Variants in TTC39C observed in about 807,000 individuals in gnomAD.
TTC39C encodes tetratricopeptide repeat protein 39C.
A neutral mutation model predicts 76.3 loss-of-function variants in TTC39C; 33 were observed. The observed-to-expected ratio is 0.43, with a 90% CI of 0.33 to 0.58. The LOEUF is 0.58. Among genes scored for constraint, TTC39C ranks in the 20% least tolerant of loss-of-function variants. TTC39C has a pLI of 0.04. For synonymous variants in TTC39C, 254 were observed against 260.6 expected (o/e 0.97, Z 0.24); for missense variants, 595 against 701.4 (o/e 0.85, Z 1.71).
At chr18:24,012,618 C>A (rs976433307), upstream of TTC39C, among the ~76,000 whole-genome samples, 1 of 152,144 alleles carries the variant, frequency 6.6e-6, no homozygotes, top group African/African-American at 2.4e-5. Context: ...TGCAGGCTAT[C>A]TCCTATGTCT....
chr18:24,028,663 T>C (rs1367713688), intron 1 of TTC39C, among the ~76,000 whole-genome samples: 1 of 152,190 alleles, frequency 6.6e-6, no homozygotes, highest in African/African-American at 2.4e-5. Context: ...GTTTCTAGCT[T>C]CCCTTTGAAA....
In TTC39C at chr18:24,131,927, A is replaced by G. The variant is rs2145834723; in HGVS notation, c.1662+7A>G. The G allele has an allele frequency of 6.2e-7, 1 of 1,612,598 alleles. No homozygotes were observed. Among genetic ancestry groups the G allele is most frequent in the East Asian group, 2.2e-5 (1 of 44,808 alleles). Reference sequence around the variant, plus strand: ...TCTACTTCTTCAAGCAAAGGTAAATATCCTGAATCTACCTTTCTCCAGTGG... The same window carrying G: ...TCTACTTCTTCAAGCAAAGGTAAATGTCCTGAATCTACCTTTCTCCAGTGG... On this transcript the variant is annotated splice_region_variant and intron_variant, in intron 13 of 13. Transcript: ENST00000317571.
chr18:24,132,557 G>A lies in TTC39C; in HGVS notation c.1735G>A (p.Glu579Lys). The A allele has an allele frequency of 6.2e-7, 1 of 1,613,728 alleles. No individual in the cohort carries two copies. The highest frequency in any genetic ancestry group is 1.1e-5 in the South Asian group (1 of 90,992). ...CCATGCTGCTCTGGCCTCTCTGAGG[G>A]AATTGGTTCCTCAGTGACAGACCCG... ...RIHAALASLR[E>K]LVPQ The change falls in exon 14 of 14, where the codon GAA becomes AAA. Residue 579 changes from glutamate (E) to lysine (K), a missense_variant. Coordinates refer to ENST00000317571, the MANE Select transcript of TTC39C (RefSeq NM_001135993.2).
chr18:24,127,114 AAGAC>A (rs2085060866), intron 10 of TTC39C, among the ~76,000 whole-genome samples: 1 of 152,224 alleles, frequency 6.6e-6, no homozygotes, highest in African/African-American at 2.4e-5. Context: ...CCTGGAAGGG[AAGAC>A]AGACAGTATC....
chr18:24,028,843 C>T (rs2083629658), intron 1 of TTC39C, among the ~76,000 whole-genome samples: 2 of 151,564 alleles, frequency 1.3e-5, no homozygotes, highest in Admixed American at 1.3e-4. Context: ...CTGTTTCAGC[C>T]TCCTGAGTAG....
At chr18:24,041,894 G>A (rs1243762039) in intron 1 of TTC39C, among the ~76,000 whole-genome samples, 1 of 152,052 alleles carries the variant, frequency 6.6e-6, no homozygotes, top group East Asian at 1.9e-4. Flanking sequence ...CTTTCAGCCC[G>A]GCGTGATTAC....
At chr18:24,019,090 T>C (rs116378017) in intron 1 of TTC39C, among the ~76,000 whole-genome samples, 94 of 152,316 alleles carry the variant, frequency 6.2e-4, no homozygotes, top group African/African-American at 2.2e-3. Flanking sequence ...GACATATTAC[T>C]TTTTAACAGA....
At chr18:24,021,539 CTTTTT>C (rs60505555) in intron 1 of TTC39C, among the ~76,000 whole-genome samples, 6 of 118,868 alleles carry the variant, frequency 5.0e-5, no homozygotes, top group East Asian at 4.7e-4. Context: ...TTCTTTCCTT[CTTTTT>C]TTTTTTTTTT....
chr18:24,042,844 G>A (rs2145693573), intron 1 of TTC39C, among the ~76,000 whole-genome samples: 1 of 152,218 alleles, frequency 6.6e-6, no homozygotes, highest in South Asian at 2.1e-4. Context: ...ATGACATTTA[G>A]GGTCCCGGGG....
At chr18:24,063,479 T>C (rs9958615) in intron 1 of TTC39C, among the ~76,000 whole-genome samples, 20,343 of 151,616 alleles carry the variant, frequency 0.13, 1,480 homozygotes, top group East Asian at 0.28. Flanking sequence ...TGTCTTTCTT[T>C]GGCCATGTTT....
In TTC39C at chr18:24,123,831, C is replaced by G; in HGVS notation, c.1187-3C>G. 6.2e-7 allele frequency: 1 copy of G among 1,601,328 alleles called. No individual in the cohort carries two copies. Among genetic ancestry groups the G allele is most frequent in the Non-Finnish European group, 8.5e-7 (1 of 1,174,042 alleles). ...TAAGAAATATAATTATGGTTTCTTA[C>G]AGTTTGTCAGGGAGCCACTGGTGAT... On this transcript the variant is annotated splice_region_variant and splice_polypyrimidine_tract_variant and intron_variant, in intron 8 of 13. Transcript: ENST00000317571.
chr18:24,061,224 T>G (rs1237746912), intron 1 of TTC39C, among the ~76,000 whole-genome samples: 2 of 147,814 alleles, frequency 1.4e-5, no homozygotes, highest in Non-Finnish European at 1.5e-5. Context: ...ATATTTAGTC[T>G]TCTTTTTTTT....
chr18:24,028,757 C>T (rs951442432), intron 1 of TTC39C, among the ~76,000 whole-genome samples: 1 of 152,160 alleles, frequency 6.6e-6, no homozygotes, highest in East Asian at 1.9e-4. Context: ...GAGTCTTGCT[C>T]TGTCGCCCAG....
At chr18:24,002,425 A>T (rs2083320663) in intron 1 of TTC39C, among the ~76,000 whole-genome samples, 1 of 152,246 alleles carries the variant, frequency 6.6e-6, no homozygotes, top group South Asian at 2.1e-4. Flanking sequence ...CACAGAGTCA[A>T]TGGAGACCAA....
intron 9 of TTC39C, among the ~76,000 whole-genome samples, chr18:24,125,144 G>C (rs1272286414): frequency 5.9e-5 from 9 of 152,124 alleles, no homozygotes; most frequent in Non-Finnish European, 1.2e-4. Context: ...TGCCTGCCTT[G>C]GCCTCCCAAA....
chr18:24,082,902 T>C lies in TTC39C; in HGVS notation c.816-11T>C. 1.3e-6 allele frequency: 2 copies of C among 1,578,224 alleles called. No homozygotes were observed. The highest frequency in any genetic ancestry group is 1.7e-6 in the Non-Finnish European group (2 of 1,159,884). On this transcript the variant is annotated splice_polypyrimidine_tract_variant and intron_variant, in intron 5 of 13. Transcript: ENST00000317571. ...TTAATGTGCTCAATGTTTCTCTCCC[T>C]CTTCCTCTAGATTAGCTCTGCTCTG...
At chr18:24,114,290 GCAAA>G in intron 6 of TTC39C, 1 of 353,014 alleles carries the variant, frequency 2.8e-6, no homozygotes, top group Non-Finnish European at 5.2e-6. Context: ...TAACACCTGA[GCAAA>G]GGAGAGAACG....
chr18:24,066,170 G>T (rs781150730), intron 3 of TTC39C, 30 bp downstream of exon 3: 6 of 1,560,974 alleles, frequency 3.8e-6, no homozygotes, highest in Non-Finnish European at 5.2e-6. Flanking sequence ...GTTGTGGACT[G>T]TGTGCCACTT....
upstream of TTC39C, chr18:24,014,739 C>T (rs868055704): frequency 1.2e-5 from 14 of 1,144,922 alleles, no homozygotes; most frequent in Middle Eastern, 7.2e-4. Flanking sequence ...TCCCTCCCGT[C>T]TTCTCCCCTC....
Sources: allele counts gnomAD v4.1 joint callset (sites outside exome capture counted in the v4.1 genomes callset), GRCh38; gene constraint gnomAD v4.1.1; transcripts MANE v1.5; gene names NCBI Gene and HGNC (gene_info 2026-07-23, HGNC 2026-07-21).